Variants in LDLRAD3 observed in about 807,000 individuals in gnomAD.
The protein encoded by LDLRAD3 is low-density lipoprotein receptor class A domain-containing protein 3.
In LDLRAD3, 20 loss-of-function variants were observed where a neutral mutation model predicts 29.4. The observed-to-expected ratio is 0.68, with a 90% CI of 0.48 to 0.99. LDLRAD3 has a LOEUF of 0.99. LDLRAD3 is among the 50% of genes least tolerant of loss of function. The pLI, the probability that LDLRAD3 is intolerant of heterozygous loss-of-function variation, is 0.00. For missense variants in LDLRAD3, 420 were observed against 454.3 expected (o/e 0.92, Z 0.69); for synonymous variants, 157 against 192.7 (o/e 0.81, Z 1.53).
intron 4 of LDLRAD3, among the ~76,000 whole-genome samples, chr11:36,128,926 AGT>A (rs1482233663): frequency 6.6e-6 from 1 of 151,664 alleles, no homozygotes; most frequent in Non-Finnish European, 1.5e-5. Context: ...GGCCAAGGTT[AGT>A]AGAGAGACAC....
At chr11:36,029,241 C>T (rs1852205262) in intron 1 of LDLRAD3, among the ~76,000 whole-genome samples, 1 of 119,124 alleles carries the variant, frequency 8.4e-6, no homozygotes, top group Admixed American at 9.3e-5. Flanking sequence ...AAGACTCCAT[C>T]TCAAAACAAA....
At chr11:36,166,586 A>T (rs1854519252) in intron 4 of LDLRAD3, among the ~76,000 whole-genome samples, 2 of 152,148 alleles carry the variant, frequency 1.3e-5, no homozygotes, top group Admixed American at 1.3e-4. Flanking sequence ...GAGATGACTT[A>T]TTTCAAATTT....
At chr11:35,980,190 G>T (rs1344581591) in intron 1 of LDLRAD3, among the ~76,000 whole-genome samples, 1 of 152,274 alleles carries the variant, frequency 6.6e-6, no homozygotes, top group East Asian at 1.9e-4. Context: ...TTACTATGTG[G>T]TAGATATTAT....
At chr11:36,034,769 C>T (rs757141953) in intron 1 of LDLRAD3, among the ~76,000 whole-genome samples, 15 of 152,250 alleles carry the variant, frequency 9.9e-5, no homozygotes, top group South Asian at 6.2e-4. Context: ...CCAGGGGACA[C>T]GTCAGAGGAA....
chr11:36,001,756 T>C (rs1590198716), intron 1 of LDLRAD3, among the ~76,000 whole-genome samples: 1 of 96,584 alleles, frequency 1.0e-5, no homozygotes, highest in East Asian at 3.1e-4. Context: ...TTATATTGTA[T>C]ACGTGTGTGT....
intron 2 of LDLRAD3, among the ~76,000 whole-genome samples, chr11:36,041,333 C>T (rs1852378872): frequency 6.6e-6 from 1 of 152,158 alleles, no homozygotes; most frequent in African/African-American, 2.4e-5. Flanking sequence ...AGCAGTAGAG[C>T]GATTACATGG....
intron 4 of LDLRAD3, among the ~76,000 whole-genome samples, chr11:36,111,174 T>C (rs548742435): frequency 6.6e-6 from 1 of 152,104 alleles, no homozygotes; most frequent in African/African-American, 2.4e-5. Flanking sequence ...AAGAAATTCA[T>C]AGGAGCAGCT....
chr11:36,077,997 G>C (rs1853044100), intron 2 of LDLRAD3, among the ~76,000 whole-genome samples: 2 of 152,182 alleles, frequency 1.3e-5, no homozygotes. Flanking sequence ...GAACAGCTCA[G>C]AGGAGACTCA....
intron 1 of LDLRAD3, among the ~76,000 whole-genome samples, chr11:36,000,278 T>G (rs1425309491): frequency 1.3e-5 from 2 of 148,938 alleles, no homozygotes; most frequent in Non-Finnish European, 3.0e-5. Flanking sequence ...TATGTATATA[T>G]AATATATAAC....
chr11:36,141,524 T>A (rs1303992227), intron 4 of LDLRAD3, among the ~76,000 whole-genome samples: 1 of 152,058 alleles, frequency 6.6e-6, no homozygotes, highest in Non-Finnish European at 1.5e-5. Context: ...TGGGGTTTGA[T>A]CTTGTAGTGC....
In LDLRAD3 at chr11:36,229,545, T is replaced by C. The variant is rs1236574991; in HGVS notation, c.*148T>C. 9 of 610,790 alleles carry C rather than the reference T, an allele frequency of 1.5e-5. No individual in the cohort carries two copies. The highest frequency in any genetic ancestry group is 3.6e-5 in the African/African-American group (2 of 55,086). 37.8% of individuals were successfully genotyped at this position (610,790 alleles called of 1,614,324 possible). On this transcript the variant is annotated 3_prime_UTR_variant, in exon 6 of 6. Coordinates refer to ENST00000315571, the MANE Select transcript of LDLRAD3 (RefSeq NM_174902.4). Reference sequence around the variant, plus strand: ...ATTAACTATCTCTGCATTCCCCTCCTCCCCCAGACTTCAGAGATGTTTTTC... The same window carrying C: ...ATTAACTATCTCTGCATTCCCCTCCCCCCCCAGACTTCAGAGATGTTTTTC...
rs74483657 is a variant in LDLRAD3 at position 36,085,056 on chromosome 11, A to T, written c.319+3278A>T. Among the ~76,000 whole-genome samples the T allele has an allele frequency of 1.9e-4, 29 of 152,300 alleles. 1 individual carries two copies. In the East Asian group the frequency reaches 5.6e-3, roughly 29 times the overall value. On this transcript the variant is annotated intron_variant, in intron 3 of 5. Transcript: ENST00000315571. Reference sequence around the variant, plus strand: ...CTTTCCTTCATTCATGATATTGCCAAGTCTTCTTCTAGTATCATTTTCCTC... The same window carrying T: ...CTTTCCTTCATTCATGATATTGCCATGTCTTCTTCTAGTATCATTTTCCTC...
chr11:35,992,764 T>C (rs984359812), intron 1 of LDLRAD3, among the ~76,000 whole-genome samples: 2 of 152,182 alleles, frequency 1.3e-5, no homozygotes, highest in African/African-American at 4.8e-5. Flanking sequence ...TGAAATGTTC[T>C]AAAATTGATT....
chr11:36,165,455 T>G (rs1854499777), intron 4 of LDLRAD3, among the ~76,000 whole-genome samples: 1 of 152,192 alleles, frequency 6.6e-6, no homozygotes, highest in South Asian at 2.1e-4. Flanking sequence ...TACTAACTTG[T>G]TATCCAAATG....
At chr11:36,169,496 C>G (rs886375224) in intron 4 of LDLRAD3, among the ~76,000 whole-genome samples, 2 of 152,192 alleles carry the variant, frequency 1.3e-5, no homozygotes, top group African/African-American at 4.8e-5. Flanking sequence ...CTCTTTCCCT[C>G]TGTGAGATCA....
At chr11:36,053,241 T>A (rs965091980) in intron 2 of LDLRAD3, among the ~76,000 whole-genome samples, 1 of 152,162 alleles carries the variant, frequency 6.6e-6, no homozygotes, top group African/African-American at 2.4e-5. Context: ...CAGCCTTTTT[T>A]TTCTTTCTTT....
intron 4 of LDLRAD3, among the ~76,000 whole-genome samples, chr11:36,202,033 C>T (rs1855133778): frequency 7.1e-6 from 1 of 140,976 alleles, no homozygotes; most frequent in Admixed American, 7.6e-5. Flanking sequence ...TTGGGTACTT[C>T]CTGGGGACAT....
At chr11:36,201,733 G>T (rs1214900694) in intron 4 of LDLRAD3, among the ~76,000 whole-genome samples, 1 of 152,246 alleles carries the variant, frequency 6.6e-6, no homozygotes, top group Admixed American at 6.5e-5. Context: ...GCCTTGTGTT[G>T]TGTTGTAGTC....
intron 1 of LDLRAD3, among the ~76,000 whole-genome samples, chr11:35,948,761 G>A (rs574498857): frequency 6.6e-6 from 1 of 152,090 alleles, no homozygotes; most frequent in Non-Finnish European, 1.5e-5. Context: ...GTTAGTCTCG[G>A]GCAGGGTTTC....
Sources: gnomAD v4.1 joint callset for allele counts (sites outside exome capture counted in the v4.1 genomes callset) on GRCh38, gnomAD v4.1.1 for gene constraint, MANE v1.5 for transcripts, NCBI Gene and HGNC (gene_info 2026-07-23, HGNC 2026-07-21) for gene names.